OR6N1: variants seen among roughly 807,000 people sequenced by gnomAD.
OR6N1 encodes the protein olfactory receptor family 6 subfamily N member 1, also known as olfactory receptor 6N1.
For missense variants in OR6N1, 394 were observed against 371.7 expected (o/e 1.06, Z -0.49); for synonymous variants, 170 against 150.7 (o/e 1.13, Z -0.94).
chr1:158,783,659 A>G, the OR6N1 span, among the ~76,000 whole-genome samples: 1 of 152,188 alleles, frequency 6.6e-6, no homozygotes, highest in East Asian at 1.9e-4. Context: ...TATTTTAATT[A>G]TATACTTGCA....
At chr1:158,839,566 G>GT in the OR6N1 span, among the ~76,000 whole-genome samples, 1 of 152,188 alleles carries the variant, frequency 6.6e-6, no homozygotes. Flanking sequence ...ATGTGAAGCA[G>GT]TTACTAGTCC....
At chr1:158,775,726 T>C (rs951995110), upstream of OR6N1, 1 of 151,738 alleles carries the variant, frequency 6.6e-6, no homozygotes, top group African/African-American at 2.4e-5. Context: ...TAAATTGATT[T>C]AAGAATATAT....
At chr1:158,808,121 CTTTTTTTTTTTTTTTTT>C in the OR6N1 span, among the ~76,000 whole-genome samples, 2 of 39,576 alleles carry the variant, frequency 5.1e-5, no homozygotes, top group South Asian at 1.3e-3. Flanking sequence ...CAATGACTGC[CTTTTTTTTTTTTTTTTT>C]TTTTTTTTTT....
chr1:158,839,272 CT>C, the OR6N1 span, among the ~76,000 whole-genome samples: 1 of 152,080 alleles, frequency 6.6e-6, no homozygotes, highest in Admixed American at 6.6e-5. Flanking sequence ...TCTCTGAGGC[CT>C]ATATGGACGT....
chr1:158,778,787 G>C, the OR6N1 span, among the ~76,000 whole-genome samples: 11 of 151,976 alleles, frequency 7.2e-5, no homozygotes, highest in African/African-American at 2.7e-4. Flanking sequence ...GGCTGAGGCG[G>C]GTAGATCACG....
In OR6N1 at chr1:158,765,690, T is replaced by C; in HGVS notation, c.*54A>G. The C allele has an allele frequency of 1.4e-6, 2 of 1,428,484 alleles. No individual in the cohort carries two copies. The highest frequency in any genetic ancestry group is 1.9e-6 in the Non-Finnish European group (2 of 1,029,574). 88.5% of individuals were successfully genotyped at this position (1,428,484 alleles called of 1,614,324 possible). On this transcript the variant is annotated 3_prime_UTR_variant, in exon 2 of 2. Transcript: ENST00000641846. ...GTTTCTCGTCTCTGGCCACTGTTGATCCCTGGGGCCACCATATCCTCAGGC... is the reference window on the plus strand; with the variant it reads ...GTTTCTCGTCTCTGGCCACTGTTGACCCCTGGGGCCACCATATCCTCAGGC...
At chr1:158,834,222 C>A in the OR6N1 span, among the ~76,000 whole-genome samples, 1 of 148,288 alleles carries the variant, frequency 6.7e-6, no homozygotes, top group South Asian at 2.1e-4. Flanking sequence ...CTATTCAAGT[C>A]CTTTATCAAT....
the OR6N1 span, chr1:158,831,482 GGACAGTGATTCTGTCCTAAACAA>G: frequency 6.6e-6 from 1 of 152,050 alleles, no homozygotes; most frequent in Non-Finnish European, 1.5e-5. Flanking sequence ...AAAGCTTTAC[GGACAGTGATTCTGTCCTAAACAA>G]GACAGTGACT....
At chr1:158,776,592 T>C (rs1227724081), upstream of OR6N1, 3 of 695,182 alleles carry the variant, frequency 4.3e-6, no homozygotes, top group South Asian at 2.2e-5. Context: ...TGAAAGGAAA[T>C]GAAATTCAGA....
At chr1:158,821,741 T>A in the OR6N1 span, among the ~76,000 whole-genome samples, 1 of 152,214 alleles carries the variant, frequency 6.6e-6, no homozygotes, top group African/African-American at 2.4e-5. Flanking sequence ...GAGGCTATAA[T>A]CATGTCTGAA....
chr1:158,825,313 C>A, the OR6N1 span, among the ~76,000 whole-genome samples: 1,608 of 152,058 alleles, frequency 0.011, 35 homozygotes, highest in African/African-American at 0.036. Flanking sequence ...GTGGTGGGCG[C>A]CTGTAGTCCC....
chr1:158,791,574 A>G, the OR6N1 span, among the ~76,000 whole-genome samples: 1 of 150,090 alleles, frequency 6.7e-6, no homozygotes, highest in Non-Finnish European at 1.5e-5. Context: ...GGTTCAAGCG[A>G]TTCTCTTGCC....
rs1657191884 is a variant in OR6N1, at chr1:158,764,487, T to C, written c.*1257A>G. The C allele has an allele frequency of 6.6e-6, 1 of 152,072 alleles. No homozygotes were observed. The highest frequency in any genetic ancestry group is 1.5e-5 in the Non-Finnish European group (1 of 67,974). 9.4% of individuals were successfully genotyped at this position (152,072 alleles called of 1,614,324 possible). ...TTTGTAGAGTTGACACTGCATCTGATATATAGTAAGAGCTAAATAAACGTG... is the reference window on the plus strand; with the variant it reads ...TTTGTAGAGTTGACACTGCATCTGACATATAGTAAGAGCTAAATAAACGTG... On this transcript the variant is annotated 3_prime_UTR_variant, in exon 2 of 2. Transcript: ENST00000641846.
At chr1:158,777,660 G>A in the OR6N1 span, 5 of 1,479,564 alleles carry the variant, frequency 3.4e-6, no homozygotes, top group Non-Finnish European at 4.7e-6. Context: ...AAGAAGGAAA[G>A]AAGAAAACAT....
At chr1:158,810,229 C>G in the OR6N1 span, among the ~76,000 whole-genome samples, 2 of 152,076 alleles carry the variant, frequency 1.3e-5, no homozygotes, top group Non-Finnish European at 2.9e-5. Flanking sequence ...CCCTAATAAG[C>G]CTCATTCAGG....
chr1:158,836,033 T>C, the OR6N1 span, among the ~76,000 whole-genome samples: 2 of 151,962 alleles, frequency 1.3e-5, no homozygotes, highest in African/African-American at 4.8e-5. Context: ...AGAGTGTTAA[T>C]TGATTGTTGC....
Position 158,766,562 on chromosome 1 carries a change from C to G in OR6N1, c.121G>C (p.Gly41Arg), listed in dbSNP as rs1412404074. ...ACCACCAGGAATATCAGCAGGTTTC[C>G]CAACACAGTCATGAGGTAAATGAGA... Reference protein sequence around the residue: ...LLLIYLMTVLGNLLIFLVVCL... With the variant: ...LLLIYLMTVLRNLLIFLVVCL... The change falls in exon 2 of 2, where the codon GGA (glycine) becomes CGA (arginine). Residue 41 changes from glycine (G) to arginine (R), a missense_variant. Physicochemically the swap from Gly to Arg is moderately radical, Grantham distance 125. Coordinates refer to ENST00000641846, the MANE Select transcript of OR6N1 (RefSeq NM_001005185.2). 1.1e-5 allele frequency: 18 copies of G among 1,613,818 alleles called. No individual in the cohort carries two copies. The highest frequency in any genetic ancestry group is 5.0e-5 in the Admixed American group (3 of 59,970).
the OR6N1 span, among the ~76,000 whole-genome samples, chr1:158,804,472 A>G: frequency 1.3e-4 from 20 of 152,342 alleles, no homozygotes; most frequent in African/African-American, 4.6e-4. Flanking sequence ...CAAGCAATTC[A>G]TTATTTGAGG....
the OR6N1 span, among the ~76,000 whole-genome samples, chr1:158,779,965 A>T: frequency 1.3e-5 from 2 of 152,180 alleles, no homozygotes; most frequent in Admixed American, 6.5e-5. Flanking sequence ...TTCCCTGCTG[A>T]TGCCTGGAAC....
Sources: allele counts gnomAD v4.1 joint callset (sites outside exome capture counted in the v4.1 genomes callset), GRCh38; gene constraint gnomAD v4.1.1; transcripts MANE v1.5; gene names NCBI Gene and HGNC (gene_info 2026-07-23, HGNC 2026-07-21).